The following SP100 variants were observed in gnomAD, a reference collection of about 807,000 sequenced individuals.
SP100 encodes the protein SP100 nuclear body protein.
SP100 carries 84 observed loss-of-function variants against 130.0 expected under a neutral mutation model. The ratio of observed to expected loss-of-function variants is 0.65; its 90% CI spans 0.54 to 0.77. The LOEUF (loss-of-function observed/expected upper bound fraction) is 0.77. Ranked by LOEUF, SP100 falls within the 30% of genes least tolerant of loss-of-function variation. The pLI, the probability that SP100 is intolerant of heterozygous loss-of-function variation, is 0.00. For missense variants in SP100, 978 were observed against 1,052.2 expected (o/e 0.93, Z 0.97); for synonymous variants, 331 against 351.7 (o/e 0.94, Z 0.66).
chr2:230,444,050 T>A (rs1241182640), intron 3 of SP100, 128 bp from the exon 4 acceptor site: 1 of 691,734 alleles, frequency 1.4e-6, no homozygotes, highest in East Asian at 2.9e-5. Flanking sequence ...TAAGTAAAAA[T>A]TATAGAACCT....
chr2:230,427,729 A>T (rs1214706837), intron 2 of SP100, among the ~76,000 whole-genome samples: 6 of 152,062 alleles, frequency 3.9e-5, no homozygotes, highest in Non-Finnish European at 7.4e-5. Flanking sequence ...ACAGGTTTCT[A>T]CTTAGTGGTT....
chr2:230,490,591 G>A (rs762119299), intron 17 of SP100, among the ~76,000 whole-genome samples: 2 of 152,112 alleles, frequency 1.3e-5, no homozygotes, highest in African/African-American at 2.4e-5. Context: ...AATGTCACTG[G>A]TCTTTATTTT....
At chr2:230,426,646 G>C (rs2062941335) in intron 2 of SP100, among the ~76,000 whole-genome samples, 1 of 152,162 alleles carries the variant, frequency 6.6e-6, no homozygotes. Flanking sequence ...AATTTGTTAA[G>C]ACTTCTTTTG....
intron 6 of SP100, 89 bp from the exon 7 acceptor site, chr2:230,449,472 T>A: frequency 6.9e-7 from 1 of 1,438,872 alleles, no homozygotes; most frequent in Middle Eastern, 1.7e-4. Context: ...TGACCTTACG[T>A]CCATCAGTGG....
chr2:230,456,291 A>G (rs2064272241), intron 8 of SP100, among the ~76,000 whole-genome samples: 1 of 148,586 alleles, frequency 6.7e-6, no homozygotes, highest in African/African-American at 2.5e-5. Flanking sequence ...CCTTATTAAA[A>G]CTCCCTCATA....
At chr2:230,433,279 T>A (rs2063149620) in intron 2 of SP100, among the ~76,000 whole-genome samples, 1 of 152,222 alleles carries the variant, frequency 6.6e-6, no homozygotes, top group African/African-American at 2.4e-5. Context: ...TTTAATTGCC[T>A]TGGCACTTTT....
chr2:230,542,793 T>C, intron 28 of SP100, 43 bp from the exon 29 acceptor site: 1 of 1,169,164 alleles, frequency 8.6e-7, no homozygotes, highest in Non-Finnish European at 1.3e-6. Context: ...GTGTCTCAGC[T>C]CATTGCATAA....
chr2:230,503,364 C>T (rs1421584057), intron 20 of SP100, among the ~76,000 whole-genome samples: 2 of 152,214 alleles, frequency 1.3e-5, no homozygotes, highest in Admixed American at 6.5e-5. Context: ...TTGATTAATA[C>T]GTAATAGATA....
At chr2:230,446,772 T>C (rs749565490) in intron 4 of SP100, 47 bp from the exon 5 acceptor site, 13 of 1,195,356 alleles carry the variant, frequency 1.1e-5, no homozygotes, top group East Asian at 2.4e-5. Context: ...ACATTGTCCC[T>C]GGTCCCTGTA....
chr2:230,503,634 T>G (rs2067159072), intron 20 of SP100, among the ~76,000 whole-genome samples: 1 of 152,170 alleles, frequency 6.6e-6, no homozygotes, highest in Admixed American at 6.6e-5. Flanking sequence ...CCCTCCTCTC[T>G]CAATGTGCAG....
intron 17 of SP100, among the ~76,000 whole-genome samples, chr2:230,481,122 G>T (rs377027473): frequency 1.2e-4 from 18 of 152,014 alleles, no homozygotes; most frequent in African/African-American, 3.9e-4. Flanking sequence ...GGACCTGAGT[G>T]CTTTCCTTGT....
In SP100 at chr2:230,497,544, G is replaced by GAGGAA. The variant is rs1231660014; in HGVS notation, c.1646-847_1646-843dup. Among the ~76,000 whole-genome samples, 144 of 19,286 alleles carry GAGGAA rather than the reference G, an allele frequency of 7.5e-3. 5 individuals carry two copies. Among genetic ancestry groups the GAGGAA allele is most frequent in the South Asian group, 0.011 (3 of 274 alleles). The allele number at this position is 19,286 out of a possible 152,430, so 12.7% of individuals were successfully genotyped here. A position where few individuals can be genotyped will look rare whatever the true frequency, so the allele number is the denominator to read the frequency against. Reference sequence around the variant, plus strand: ...GAGGAGAGGAGAGGAGAGGAGAGGAGAGGAAAGGAAAGGAAAGGAAAGGAA... The same window carrying GAGGAA: ...GAGGAGAGGAGAGGAGAGGAGAGGAGAGGAAAGGAAAGGAAAGGAAAGGAAAGGAA... On this transcript the variant is annotated intron_variant, in intron 18 of 28. Coordinates refer to ENST00000340126, the MANE Select transcript of SP100 (RefSeq NM_001080391.2).
At chr2:230,422,260 T>G (rs1014021299) in intron 2 of SP100, among the ~76,000 whole-genome samples, 2 of 152,220 alleles carry the variant, frequency 1.3e-5, no homozygotes, top group African/African-American at 4.8e-5. Flanking sequence ...CTTCCAAGGT[T>G]GTTTTAAGTG....
chr2:230,511,194 C>T (rs774126591), intron 24 of SP100, 28 bp downstream of exon 24: 1 of 1,527,720 alleles, frequency 6.5e-7, no homozygotes, highest in South Asian at 1.1e-5. Context: ...ACTATGACCC[C>T]AAAATAAGTC....
intron 8 of SP100, among the ~76,000 whole-genome samples, chr2:230,453,754 T>C (rs1428718754): frequency 6.6e-6 from 1 of 152,294 alleles, no homozygotes; most frequent in East Asian, 1.9e-4. Flanking sequence ...TGGCCTATAA[T>C]TTTCTTTTCT....
At chr2:230,460,430 A>G (rs1024437015) in intron 8 of SP100, among the ~76,000 whole-genome samples, 2 of 148,718 alleles carry the variant, frequency 1.3e-5, no homozygotes, top group African/African-American at 4.9e-5. Context: ...GGAGAAAGAA[A>G]GAGTGGAGAG....
intron 2 of SP100, among the ~76,000 whole-genome samples, chr2:230,427,230 C>T (rs531060680): frequency 1.3e-5 from 2 of 152,082 alleles, no homozygotes; most frequent in East Asian, 3.9e-4. Context: ...GGTGCTATCT[C>T]GGCTTATTGC....
chr2:230,491,742 C>T (rs2066403766), intron 17 of SP100, among the ~76,000 whole-genome samples: 2 of 152,210 alleles, frequency 1.3e-5, no homozygotes, highest in African/African-American at 4.8e-5. Context: ...CCCCAACACA[C>T]AAGGATTACA....
chr2:230,511,463 C>G (rs892780561), intron 24 of SP100, among the ~76,000 whole-genome samples: 4 of 152,098 alleles, frequency 2.6e-5, no homozygotes, highest in Non-Finnish European at 5.9e-5. Context: ...TAGTAATGGA[C>G]AGGGCTGGCC....
Sources: allele counts gnomAD v4.1 joint callset (sites outside exome capture counted in the v4.1 genomes callset), GRCh38; gene constraint gnomAD v4.1.1; transcripts MANE v1.5; gene names NCBI Gene and HGNC (gene_info 2026-07-23, HGNC 2026-07-21).